The following LARP4B variants were observed in gnomAD, a reference collection of about 807,000 sequenced individuals.
LARP4B encodes la-related protein 4B.
LARP4B carries 12 observed loss-of-function variants against 89.8 expected under a neutral mutation model. The ratio of observed to expected loss-of-function variants is 0.13; its 90% confidence interval spans 0.09 to 0.22. The LOEUF (loss-of-function observed/expected upper bound fraction) is 0.22. Ranked by LOEUF, LARP4B falls within the 10% of genes least tolerant of loss-of-function variation. The pLI is 1.00. For synonymous variants in LARP4B, 367 were observed against 363.3 expected (o/e 1.01, Z -0.12); for missense variants, 757 against 947.7 (o/e 0.80, Z 2.64).
At chr10:825,370 A>G (rs1284333134) in intron 12 of LARP4B, 54 bp from the exon 13 acceptor site, 2 of 1,539,930 alleles carry the variant, frequency 1.3e-6, no homozygotes, top group Non-Finnish European at 1.8e-6. Flanking sequence ...AAGGCATTAC[A>G]TAACATGCAT....
At chr10:820,678 G>A (rs554753250) in intron 14 of LARP4B, 122 bp downstream of exon 14, 182 of 884,872 alleles carry the variant, frequency 2.1e-4, no homozygotes, top group East Asian at 6.3e-4. Context: ...TGGATTTCAC[G>A]TTACAAGTCT....
intron 1 of LARP4B, among the ~76,000 whole-genome samples, chr10:902,784 G>A (rs1836380273): frequency 6.6e-6 from 1 of 151,836 alleles, no homozygotes; most frequent in Non-Finnish European, 1.5e-5. Flanking sequence ...ACCTAGGATT[G>A]CAGGTGTGCA....
chr10:925,981 GA>G (rs1395012630), intron 1 of LARP4B, among the ~76,000 whole-genome samples: 1 of 152,192 alleles, frequency 6.6e-6, no homozygotes, highest in Non-Finnish European at 1.5e-5. Flanking sequence ...TACTCTATAA[GA>G]AACTTTCTAA....
intron 1 of LARP4B, among the ~76,000 whole-genome samples, chr10:916,863 ATT>A (rs1016344055): frequency 1.3e-5 from 2 of 151,880 alleles, no homozygotes; most frequent in African/African-American, 4.8e-5. Context: ...CACCTGGCTA[ATT>A]TTTCTATTTT....
the LARP4B span, among the ~76,000 whole-genome samples, chr10:978,083 C>G: frequency 2.0e-5 from 3 of 152,220 alleles, no homozygotes; most frequent in African/African-American, 7.2e-5. Context: ...CACCTCTAGG[C>G]TGGAAACAGT....
the LARP4B span, among the ~76,000 whole-genome samples, chr10:954,408 A>G: frequency 6.6e-6 from 1 of 152,152 alleles, no homozygotes; most frequent in African/African-American, 2.4e-5. The surrounding 1 kb of genome is among the most constrained non-coding windows in gnomAD (Gnocchi z 5.0). Context: ...AGTGTGTGAT[A>G]AGGACATCTG....
chr10:821,983 C>A (rs932750885), intron 13 of LARP4B, among the ~76,000 whole-genome samples: 1 of 152,164 alleles, frequency 6.6e-6, no homozygotes, highest in Non-Finnish European at 1.5e-5. Context: ...TGCTCCTTGT[C>A]CTGGATCCAT....
At position 885,622 on chromosome 10, in the gene LARP4B, C is replaced by A; in HGVS notation, c.81+19G>T. On this transcript the variant is annotated intron_variant, in intron 2 of 17. Coordinates refer to ENST00000316157, the MANE Select transcript of LARP4B (RefSeq NM_015155.3). ...AAAAAAGCAATGGACTCCCCACCAC[C>A]CCATTCGACAGCACCCACCAGATGA... 2 of 1,599,684 alleles carry A rather than the reference C, an allele frequency of 1.3e-6. No homozygotes were observed. The highest frequency in any genetic ancestry group is 2.2e-5 in the South Asian group (2 of 90,044).
At chr10:912,664 G>C (rs1328883983) in intron 1 of LARP4B, among the ~76,000 whole-genome samples, 1 of 138,922 alleles carries the variant, frequency 7.2e-6, no homozygotes, top group Non-Finnish European at 1.5e-5. Context: ...TTGAGCTCAA[G>C]AGGTCAAAAC....
At chr10:869,940 TAATAATAATA>T (rs1385206177) in intron 3 of LARP4B, 2 of 179,744 alleles carry the variant, frequency 1.1e-5, no homozygotes, top group Non-Finnish European at 2.0e-5. Context: ...ATAATAATAA[TAATAATAATA>T]AATTAAAATG....
upstream of LARP4B, among the ~76,000 whole-genome samples, chr10:932,777 C>G (rs573380021): frequency 1.9e-3 from 284 of 150,996 alleles, 4 homozygotes; most frequent in African/African-American, 6.7e-3. Context: ...GTCCCAACCC[C>G]ACACCCGGGA....
At chr10:927,039 CAAA>C (rs780081413) in intron 1 of LARP4B, among the ~76,000 whole-genome samples, 2 of 98,278 alleles carry the variant, frequency 2.0e-5, no homozygotes, top group Admixed American at 1.1e-4. Context: ...GACTCGGTCT[CAAA>C]AAAAAAAAAA....
chr10:814,991 A>G lies in LARP4B; in HGVS notation c.1775T>C (p.Val592Ala), dbSNP rs1286440655. 6 of 1,609,108 alleles carry G rather than the reference A, an allele frequency of 3.7e-6. No individual in the cohort carries two copies. Among genetic ancestry groups the G allele is most frequent in the Non-Finnish European group, 5.1e-6 (6 of 1,176,970 alleles). Residue 592 changes from valine (V) to alanine (A), a missense_variant, in exon 16 of 18, where the codon GTA becomes GCA. Val to Ala is a moderately conservative substitution (Grantham distance 64, BLOSUM62 0). Transcript: ENST00000316157. This position sits in a 1 kb window ranked among gnomAD's most constrained non-coding sequence, Gnocchi z 4.4. Reference sequence around the variant, plus strand: ...GGGGGATCGCTCGTACGTTGCTGATACAGCACAAGAAGCCGGCACCGAGGG... The same window carrying G: ...GGGGGATCGCTCGTACGTTGCTGATGCAGCACAAGAAGCCGGCACCGAGGG... ...REPSVPASCA[V>A]SATYERSPSP...
At chr10:833,352 T>C (rs867515423) in intron 8 of LARP4B, among the ~76,000 whole-genome samples, 2 of 143,238 alleles carry the variant, frequency 1.4e-5, no homozygotes, top group Non-Finnish European at 3.0e-5. Context: ...CTGGGCGGCA[T>C]GCCGCCCACG....
At chr10:900,634 T>G (rs1320999837) in intron 1 of LARP4B, among the ~76,000 whole-genome samples, 1 of 149,596 alleles carries the variant, frequency 6.7e-6, no homozygotes, top group Non-Finnish European at 1.5e-5. Context: ...TTTTTTTTTT[T>G]TGTGAGAAGC....
chr10:863,034 T>C (rs960667862), intron 5 of LARP4B, among the ~76,000 whole-genome samples: 3 of 152,168 alleles, frequency 2.0e-5, no homozygotes, highest in African/African-American at 7.2e-5. Flanking sequence ...CATTTCCTCA[T>C]CAACAGGAAA....
intron 5 of LARP4B, among the ~76,000 whole-genome samples, chr10:849,899 A>G (rs556385192): frequency 1.8e-4 from 27 of 152,380 alleles, no homozygotes; most frequent in Middle Eastern, 3.4e-3. Flanking sequence ...CAGAACTATT[A>G]TATCAAAACT....
chr10:910,172 T>C (rs1356884414), intron 1 of LARP4B, among the ~76,000 whole-genome samples: 1 of 152,036 alleles, frequency 6.6e-6, no homozygotes, highest in East Asian at 2.0e-4. Context: ...CAATAGCTTA[T>C]GTTATTTTGA....
intron 1 of LARP4B, among the ~76,000 whole-genome samples, chr10:896,664 T>C (rs142828388): frequency 7.7e-4 from 118 of 152,320 alleles, no homozygotes; most frequent in African/African-American, 2.4e-3. Flanking sequence ...ATACTTAACA[T>C]AGTAAATACA....
Sources: gnomAD v4.1 joint callset for allele counts (sites outside exome capture counted in the v4.1 genomes callset) on GRCh38, gnomAD v4.1.1 for gene constraint, Gnocchi (gnomAD v3.1) non-coding constraint, MANE v1.5 for transcripts, NCBI Gene and HGNC (gene_info 2026-07-23, HGNC 2026-07-21) for gene names.